Variants in GALNT17 observed in about 807,000 individuals in gnomAD.
GALNT17 encodes UDP-GalNAc:polypeptide N-acetylgalactosaminyltransferase-like 3.
Under a neutral mutation model 63.7 loss-of-function variants are expected in GALNT17, and 29 were observed. That is an observed-to-expected ratio of 0.46 (90% confidence interval 0.34 to 0.62). GALNT17 has a LOEUF of 0.62. Among genes scored for constraint, GALNT17 ranks in the 20% least tolerant of loss-of-function variants. GALNT17 has a pLI of 0.01. For synonymous variants in GALNT17, 305 were observed against 318.3 expected (o/e 0.96, Z 0.45); for missense variants, 603 against 799.6 (o/e 0.75, Z 2.97).
intron 1 of GALNT17, among the ~76,000 whole-genome samples, chr7:71,208,611 C>T (rs1440199972): frequency 2.0e-5 from 3 of 151,624 alleles, no homozygotes; most frequent in Non-Finnish European, 4.4e-5. Context: ...CCATCATGCC[C>T]AGCCAATTTT....
At chr7:71,216,959 T>C (rs1789493880) in intron 1 of GALNT17, among the ~76,000 whole-genome samples, 1 of 152,080 alleles carries the variant, frequency 6.6e-6, no homozygotes, top group South Asian at 2.1e-4. Flanking sequence ...TTTTTAAAAT[T>C]TGTTTTTAGT....
intron 5 of GALNT17, among the ~76,000 whole-genome samples, chr7:71,501,475 C>T (rs1788179624): frequency 6.6e-6 from 1 of 152,026 alleles, no homozygotes; most frequent in Admixed American, 6.6e-5. Context: ...GCTATGTTGC[C>T]CAGGCTGGTC....
intron 9 of GALNT17, among the ~76,000 whole-genome samples, chr7:71,701,704 GATA>G (rs1791634383): frequency 6.7e-6 from 1 of 148,534 alleles, no homozygotes; most frequent in South Asian, 2.1e-4. Context: ...GAGTGGATGG[GATA>G]AAGAAAATGT....
chr7:71,301,999 A>G (rs1791207781), intron 1 of GALNT17, among the ~76,000 whole-genome samples: 1 of 152,206 alleles, frequency 6.6e-6, no homozygotes, highest in Non-Finnish European at 1.5e-5. Flanking sequence ...TGTAGCAAGA[A>G]TGGAATACTG....
At position 71,571,380 on chromosome 7, in the gene GALNT17, A is replaced by G; in HGVS notation, c.1058A>G (p.Glu353Gly). The change falls in exon 6 of 11, where the codon GAA becomes GGA. Residue 353 changes from glutamate (E) to glycine (G), a missense_variant. Around this residue, in one of 3 missense-constraint regions of GALNT17, gnomAD observed 336 missense variants for 507.8 expected, o/e 0.66. Coordinates refer to ENST00000333538, the MANE Select transcript of GALNT17 (RefSeq NM_022479.3). ...LDPGMDVYGG[E>G]NIELGIKVWL... is the part of the protein sequence containing the mutation. Reference sequence around the variant, plus strand: ...CCTGGCATGGATGTATACGGAGGAGAAAATATTGAACTGGGAATCAAGGTT... The same window carrying G: ...CCTGGCATGGATGTATACGGAGGAGGAAATATTGAACTGGGAATCAAGGTT... 1 of 1,613,794 alleles carries G rather than the reference A, an allele frequency of 6.2e-7. No individual in the cohort carries two copies. Among genetic ancestry groups the G allele is most frequent in the Non-Finnish European group, 8.5e-7 (1 of 1,179,804 alleles).
intron 1 of GALNT17, among the ~76,000 whole-genome samples, chr7:71,140,663 G>A (rs1049129005): frequency 3.9e-5 from 6 of 152,158 alleles, no homozygotes; most frequent in Non-Finnish European, 8.8e-5. Flanking sequence ...TGGAACATGA[G>A]CACACCCAAG....
At chr7:71,180,249 C>T (rs534342587) in intron 1 of GALNT17, among the ~76,000 whole-genome samples, 269 of 152,120 alleles carry the variant, frequency 1.8e-3, no homozygotes, top group Non-Finnish European at 2.9e-3. Context: ...CCTCAGCCTC[C>T]GTAGTAGCTG....
intron 5 of GALNT17, among the ~76,000 whole-genome samples, chr7:71,454,362 C>T (rs532875384): frequency 8.5e-5 from 13 of 152,164 alleles, no homozygotes; most frequent in Admixed American, 2.0e-4. Context: ...CTGAGGATAA[C>T]GGCTTCTGGC....
At chr7:71,380,966 GTT>G (rs796556141) in intron 2 of GALNT17, among the ~76,000 whole-genome samples, 3 of 141,198 alleles carry the variant, frequency 2.1e-5, no homozygotes, top group Admixed American at 7.1e-5. Flanking sequence ...TGGGGTTTTT[GTT>G]TTTTTTTTTT....
chr7:71,520,727 C>A (rs189814904), intron 5 of GALNT17, among the ~76,000 whole-genome samples: 4 of 151,906 alleles, frequency 2.6e-5, no homozygotes, highest in African/African-American at 9.7e-5. Context: ...TCAGTGTGGT[C>A]GTTGGAAAGA....
intron 6 of GALNT17, among the ~76,000 whole-genome samples, chr7:71,612,433 C>A (rs1338777426): frequency 6.6e-6 from 1 of 152,154 alleles, no homozygotes; most frequent in Non-Finnish European, 1.5e-5. Flanking sequence ...CATCCAGCTC[C>A]ACGCTCTTCG....
chr7:71,566,664 C>CT (rs568457006), intron 5 of GALNT17, among the ~76,000 whole-genome samples: 4,553 of 131,578 alleles, frequency 0.035, 95 homozygotes, highest in Middle Eastern at 0.092. Flanking sequence ...CGAGATAAAG[C>CT]TTTTTTTTTT....
intron 2 of GALNT17, among the ~76,000 whole-genome samples, chr7:71,342,539 A>G (rs879760459): frequency 1.5e-4 from 23 of 152,202 alleles, no homozygotes; most frequent in African/African-American, 5.1e-4. Flanking sequence ...TAATACAGAA[A>G]AAAAACAAAA....
Position 71,204,809 on chromosome 7 carries a change from G to T in GALNT17, c.238+71769G>T, listed in dbSNP as rs181986166. The stretch of plus-strand genomic sequence containing the variant: ...CACCCAGGCTGGAGTACAGTGGCAC[G>T]ATCTTGGCTCACTGTAACCTCTGCC... On this transcript the variant is annotated intron_variant, in intron 1 of 10. Coordinates refer to ENST00000333538, the MANE Select transcript of GALNT17 (RefSeq NM_022479.3). 2.5e-3 allele frequency among the ~76,000 whole-genome samples: 378 copies of T among 152,016 alleles called. 4 individuals carry two copies. Among genetic ancestry groups the T allele is most frequent in the African/African-American group, 8.6e-3 (356 of 41,486 alleles).
At chr7:71,243,177 C>A (rs1381071652) in intron 1 of GALNT17, among the ~76,000 whole-genome samples, 1 of 152,156 alleles carries the variant, frequency 6.6e-6, no homozygotes, top group Non-Finnish European at 1.5e-5. Flanking sequence ...TTTCTCTGAT[C>A]TTTCTTGTCC....
chr7:71,356,122 G>A (rs1792280420), intron 2 of GALNT17, among the ~76,000 whole-genome samples: 4 of 151,846 alleles, frequency 2.6e-5, no homozygotes, highest in African/African-American at 9.7e-5. Context: ...AATTACAGAC[G>A]CCCACCACCA....
In GALNT17 at chr7:71,265,118, A is replaced by ATTT. The variant is rs60738546; in HGVS notation, c.239-70408_239-70406dup. Among the ~76,000 whole-genome samples, 25 of 37,454 alleles carry ATTT rather than the reference A, an allele frequency of 6.7e-4. 1 individual carries two copies. Among genetic ancestry groups the ATTT allele is most frequent in the African/African-American group, 9.6e-4 (14 of 14,516 alleles). The allele number at this position is 37,454 out of a possible 152,430, so 24.6% of individuals were successfully genotyped here. A position where few individuals can be genotyped will look rare whatever the true frequency, so the allele number is the denominator to read the frequency against. ...AAATATTATATATATATATATATATATTTTTTTTTTTTTTTTTTTTTTTTT... is the reference window on the plus strand; with the variant it reads ...AAATATTATATATATATATATATATATTTTTTTTTTTTTTTTTTTTTTTTTTTT... On this transcript the variant is annotated intron_variant, in intron 1 of 10. Transcript: ENST00000333538.
chr7:71,398,775 G>C (rs537960138), intron 3 of GALNT17, among the ~76,000 whole-genome samples: 1 of 152,174 alleles, frequency 6.6e-6, no homozygotes, highest in Non-Finnish European at 1.5e-5. Flanking sequence ...CACAATAATA[G>C]GTATGTACCT....
chr7:71,319,684 C>A (rs1484450174), intron 1 of GALNT17, among the ~76,000 whole-genome samples: 3 of 152,178 alleles, frequency 2.0e-5, no homozygotes, highest in African/African-American at 7.2e-5. Context: ...CTTCATAACC[C>A]AAGTCCCTTT....
Sources: gnomAD v4.1 joint callset for allele counts (sites outside exome capture counted in the v4.1 genomes callset) on GRCh38, gnomAD v4.1.1 for gene constraint, gnomAD v4.1.1 regional missense constraint, MANE v1.5 for transcripts, NCBI Gene and HGNC (gene_info 2026-07-23, HGNC 2026-07-21) for gene names.